TYW1B: variants seen among roughly 807,000 people sequenced by gnomAD.
TYW1B encodes S-adenosyl-L-methionine-dependent tRNA 4-demethylwyosine synthase TYW1B.
A neutral mutation model predicts 86.9 loss-of-function variants in TYW1B; 73 were observed. That is an observed-to-expected ratio of 0.84 (90% CI 0.70 to 1.02). TYW1B has a LOEUF of 1.02. Ranked by LOEUF, TYW1B falls within the 50% of genes least tolerant of loss-of-function variation. TYW1B has a pLI of 0.00. For synonymous variants in TYW1B, 248 were observed against 292.8 expected (o/e 0.85, Z 1.56); for missense variants, 637 against 827.4 (o/e 0.77, Z 2.82).
At chr7:72,776,539 TGA>T (rs1296923727) in intron 7 of TYW1B, among the ~76,000 whole-genome samples, 10 of 105,964 alleles carry the variant, frequency 9.4e-5, no homozygotes, top group Non-Finnish European at 1.7e-4. Flanking sequence ...CCAGACTGGG[TGA>T]GAGAGACTCT....
At chr7:72,683,415 C>T (rs1554448734) in intron 11 of TYW1B, among the ~76,000 whole-genome samples, 1 of 152,066 alleles carries the variant, frequency 6.6e-6, no homozygotes, top group African/African-American at 2.4e-5. Flanking sequence ...AGTAAAAATA[C>T]AAAAATTAGT....
chr7:72,738,920 A>AT (rs1787249870), intron 8 of TYW1B, among the ~76,000 whole-genome samples: 5 of 151,780 alleles, frequency 3.3e-5, no homozygotes, highest in Non-Finnish European at 4.4e-5. Context: ...AAAAAAAAAA[A>AT]AAATAATAAT....
intron 11 of TYW1B, among the ~76,000 whole-genome samples, chr7:72,630,704 G>A (rs1812463115): frequency 6.6e-6 from 1 of 152,138 alleles, no homozygotes; most frequent in South Asian, 2.1e-4. Flanking sequence ...ATTTACTCAT[G>A]TGTACTCAAA....
At position 72,696,109 on chromosome 7, in the gene TYW1B, G is replaced by A. The variant is rs188042875; in HGVS notation, c.1371-1287C>T. 2.7e-3 allele frequency among the ~76,000 whole-genome samples: 416 copies of A among 151,864 alleles called. 1 individual carries two copies. Among genetic ancestry groups the A allele is most frequent in the African/African-American group, 9.1e-3 (375 of 41,430 alleles). On this transcript the variant is annotated intron_variant, in intron 10 of 13. Coordinates refer to ENST00000620995, the MANE Select transcript of TYW1B (RefSeq NM_001145440.3). Reference sequence around the variant, plus strand: ...ATTACAGGTGTACCCTGCCACATCCGGCTAATTTTTGTATTTTTAGTAGAG... The same window carrying A: ...ATTACAGGTGTACCCTGCCACATCCAGCTAATTTTTGTATTTTTAGTAGAG...
chr7:72,616,970 A>C, intron 12 of TYW1B, 131 bp from the exon 13 acceptor site: 2 of 1,220,110 alleles, frequency 1.6e-6, no homozygotes, highest in Non-Finnish European at 1.1e-6. Flanking sequence ...GAAGGAAGTG[A>C]ATATAGAGAT....
Position 72,575,372 on chromosome 7 carries a change from C to T in TYW1B, c.*126G>A, listed in dbSNP as rs1406133149. On this transcript the variant is annotated 3_prime_UTR_variant, in exon 14 of 14. Transcript: ENST00000620995. ...GTCCCCCGTGTCTCCATGTTTACTGCCTTATCGTCTCCTTTGTATGAAAGT... is the reference window on the plus strand; with the variant it reads ...GTCCCCCGTGTCTCCATGTTTACTGTCTTATCGTCTCCTTTGTATGAAAGT... 5.5e-6 allele frequency: 8 copies of T among 1,458,338 alleles called. No individual in the cohort carries two copies. The highest frequency in any genetic ancestry group is 2.8e-5 in the Admixed American group (1 of 35,780). 90.3% of individuals were successfully genotyped at this position (1,458,338 alleles called of 1,614,324 possible). A position where few individuals can be genotyped will look rare whatever the true frequency, so the allele number is the denominator to read the frequency against.
intron 10 of TYW1B, among the ~76,000 whole-genome samples, chr7:72,695,394 T>C (rs1814292222): frequency 1.3e-5 from 2 of 152,200 alleles, no homozygotes; most frequent in Admixed American, 6.5e-5. Flanking sequence ...CTTTATGTAG[T>C]GCAGACCTAA....
At chr7:72,709,673 C>CA (rs1165149554) in intron 10 of TYW1B, among the ~76,000 whole-genome samples, 112 of 146,018 alleles carry the variant, frequency 7.7e-4, no homozygotes, top group African/African-American at 1.6e-3. Flanking sequence ...GTCTCAAAAA[C>CA]AAAAAAAAAA....
intron 9 of TYW1B, among the ~76,000 whole-genome samples, chr7:72,724,865 C>A (rs782101431): frequency 2.0e-5 from 3 of 152,182 alleles, no homozygotes; most frequent in Non-Finnish European, 2.9e-5. Context: ...CCGTCTTATG[C>A]ATTCTAATGC....
chr7:72,759,863 G>A (rs1787657881), intron 7 of TYW1B, among the ~76,000 whole-genome samples: 1 of 152,162 alleles, frequency 6.6e-6, no homozygotes, highest in South Asian at 2.1e-4. Flanking sequence ...TAGCAACTGT[G>A]TATGGTGATG....
intron 11 of TYW1B, among the ~76,000 whole-genome samples, chr7:72,653,093 T>C (rs532154633): frequency 3.3e-5 from 5 of 152,136 alleles, no homozygotes; most frequent in Non-Finnish European, 7.4e-5. Flanking sequence ...GAATCCTTCA[T>C]TTTAGGAAAG....
Position 72,586,983 on chromosome 7 carries a change from C to T in TYW1B, c.1786-11264G>A, listed in dbSNP as rs1180988377. ...AATAAAAAAGAACACTAATGCAAAA[C>T]GAATCATTCATATTATTTTCATTTC... is the stretch of plus-strand genomic sequence containing the variant. On this transcript the variant is annotated intron_variant, in intron 13 of 13. Transcript: ENST00000620995. 7.9e-5 allele frequency among the ~76,000 whole-genome samples: 12 copies of T among 151,956 alleles called. 1 individual carries two copies. Among genetic ancestry groups the T allele is most frequent in the Admixed American group, 3.9e-4 (6 of 15,244 alleles).
intron 13 of TYW1B, among the ~76,000 whole-genome samples, chr7:72,592,929 C>A (rs1431857671): frequency 1.3e-5 from 2 of 152,156 alleles, no homozygotes; most frequent in African/African-American, 4.8e-5. Flanking sequence ...GGAGAAATGA[C>A]AATTCTACAA....
chr7:72,672,670 G>A (rs1813638450), intron 11 of TYW1B, among the ~76,000 whole-genome samples: 1 of 152,146 alleles, frequency 6.6e-6, no homozygotes, highest in Non-Finnish European at 1.5e-5. Context: ...GTTCTGCAGG[G>A]TGAACTGCAG....
intron 11 of TYW1B, among the ~76,000 whole-genome samples, chr7:72,663,367 A>C (rs1198905933): frequency 2.0e-5 from 3 of 152,104 alleles, no homozygotes; most frequent in African/African-American, 7.2e-5. Flanking sequence ...ATTTTTTAAA[A>C]TGTCAGTTCA....
rs1246652908 is a variant in TYW1B at position 72,731,126 on chromosome 7, A to G, written c.1083-2195T>C. 1.8e-3 allele frequency among the ~76,000 whole-genome samples: 216 copies of G among 120,736 alleles called. 1 individual carries two copies. Among genetic ancestry groups the G allele is most frequent in the African/African-American group, 5.1e-3 (156 of 30,642 alleles). 79.2% of individuals were successfully genotyped at this position (120,736 alleles called of 152,430 possible). A position where few individuals can be genotyped will look rare whatever the true frequency, so the allele number is the denominator to read the frequency against. On this transcript the variant is annotated intron_variant, in intron 8 of 13. Transcript: ENST00000620995. Reference sequence around the variant, plus strand: ...TGGGATGATATATTCTAAGGGCTGGAAAAAAAAAAAAAAAAAAAAAAGACC... The same window carrying G: ...TGGGATGATATATTCTAAGGGCTGGGAAAAAAAAAAAAAAAAAAAAAGACC...
chr7:72,638,465 C>T (rs1454903916), intron 11 of TYW1B, among the ~76,000 whole-genome samples: 1 of 152,132 alleles, frequency 6.6e-6, no homozygotes, highest in East Asian at 1.9e-4. Flanking sequence ...ACACCATTCA[C>T]CACCCATTCA....
chr7:72,789,664 A>C (rs1788186538), intron 6 of TYW1B, among the ~76,000 whole-genome samples: 1 of 151,938 alleles, frequency 6.6e-6, no homozygotes, highest in African/African-American at 2.4e-5. Flanking sequence ...ATTAATAGAG[A>C]CAGAGTGTTG....
rs1810988971 is a variant in TYW1B, at chr7:72,575,075, T to C, written c.*423A>G. The C allele has an allele frequency of 9.7e-7, 1 of 1,026,064 alleles. No individual in the cohort carries two copies. Among genetic ancestry groups the C allele is most frequent in the South Asian group, 3.9e-5 (1 of 25,410 alleles). 63.6% of individuals were successfully genotyped at this position (1,026,064 alleles called of 1,614,324 possible). Reference sequence around the variant, plus strand: ...AAGCACAGACACGTTTAGCTCAGGGTAGTGCAATTCAATGCTAAGTGGCTG... The same window carrying C: ...AAGCACAGACACGTTTAGCTCAGGGCAGTGCAATTCAATGCTAAGTGGCTG... On this transcript the variant is annotated 3_prime_UTR_variant, in exon 14 of 14. Coordinates refer to ENST00000620995, the MANE Select transcript of TYW1B (RefSeq NM_001145440.3).
Sources: allele counts gnomAD v4.1 joint callset (sites outside exome capture counted in the v4.1 genomes callset), GRCh38; gene constraint gnomAD v4.1.1; transcripts MANE v1.5; gene names NCBI Gene and HGNC (gene_info 2026-07-23, HGNC 2026-07-21).